Variants in PTP4A3 observed in about 807,000 individuals in gnomAD.
The protein encoded by PTP4A3 is protein tyrosine phosphatase type IVA 3.
Under a neutral mutation model 15.2 loss-of-function variants are expected in PTP4A3, and 9 were observed. The observed-to-expected ratio is 0.59, with a 90% CI of 0.36 to 1.03. The LOEUF (loss-of-function observed/expected upper bound fraction) is 1.03. Ranked by LOEUF, PTP4A3 falls within the 50% of genes least tolerant of loss-of-function variation. The pLI, the probability that PTP4A3 is intolerant of heterozygous loss-of-function variation, is 0.02. For missense variants in PTP4A3, 234 were observed against 252.1 expected, an observed-to-expected ratio of 0.93 and a Z score of 0.49; for synonymous variants, 95 against 102.0, an observed-to-expected ratio of 0.93 and a Z score of 0.41.
intron 1 of PTP4A3, among the ~76,000 whole-genome samples, chr8:141,414,890 G>C (rs1832979311): frequency 6.6e-6 from 1 of 152,026 alleles, no homozygotes; most frequent in Non-Finnish European, 1.5e-5. Context: ...CATCCTGATG[G>C]GGGAGGGGCA....
chr8:141,419,645 C>T (rs1833236342), intron 1 of PTP4A3, among the ~76,000 whole-genome samples: 1 of 151,416 alleles, frequency 6.6e-6, no homozygotes, highest in Non-Finnish European at 1.5e-5. Flanking sequence ...GATCTCGGCT[C>T]ACTGCAACCT....
intron 1 of PTP4A3, among the ~76,000 whole-genome samples, chr8:141,404,998 G>A (rs568343626): frequency 1.3e-5 from 2 of 152,298 alleles, no homozygotes; most frequent in South Asian, 4.1e-4. Flanking sequence ...CTCATCCCAC[G>A]GCATTAACTG....
chr8:141,404,215 C>T (rs951914641), intron 1 of PTP4A3, among the ~76,000 whole-genome samples: 3 of 152,176 alleles, frequency 2.0e-5, no homozygotes, highest in Admixed American at 6.5e-5. Context: ...TTTTTTTTCT[C>T]GTCAGCGTTA....
At chr8:141,399,577 A>G (rs1832534825) in intron 1 of PTP4A3, among the ~76,000 whole-genome samples, 1 of 152,178 alleles carries the variant, frequency 6.6e-6, no homozygotes. Context: ...TTGTGTCTGG[A>G]GAATGGGGAG....
At chr8:141,418,728 G>A (rs538897852) in intron 1 of PTP4A3, among the ~76,000 whole-genome samples, 1 of 152,322 alleles carries the variant, frequency 6.6e-6, no homozygotes, top group South Asian at 2.1e-4. Flanking sequence ...AGCGACTCAG[G>A]ACACATGGAG....
chr8:141,410,350 G>T (rs1219581799), intron 1 of PTP4A3, among the ~76,000 whole-genome samples: 1 of 152,236 alleles, frequency 6.6e-6, no homozygotes, highest in African/African-American at 2.4e-5. Flanking sequence ...TTCCAGAAAT[G>T]CCCTGCTGGC....
intron 1 of PTP4A3, among the ~76,000 whole-genome samples, chr8:141,417,450 C>T (rs979453544): frequency 2.6e-5 from 4 of 152,074 alleles, no homozygotes; most frequent in African/African-American, 9.7e-5. Flanking sequence ...GGGCGCCCTC[C>T]TCCTCAGGGT....
intron 4 of PTP4A3, 116 bp from the exon 5 acceptor site, chr8:141,427,630 TCAGG>T: frequency 1.2e-6 from 1 of 834,540 alleles, no homozygotes; most frequent in Non-Finnish European, 1.8e-6. Flanking sequence ...TGGGGGAGCT[TCAGG>T]CAGGGGGGAT....
intron 1 of PTP4A3, among the ~76,000 whole-genome samples, chr8:141,400,740 C>T (rs150671004): frequency 2.0e-5 from 3 of 152,314 alleles, no homozygotes; most frequent in East Asian, 1.9e-4. Context: ...TGTGTAGCTC[C>T]TGCCTCCCCA....
At chr8:141,399,187 C>G (rs1011096438) in intron 1 of PTP4A3, among the ~76,000 whole-genome samples, 1 of 152,230 alleles carries the variant, frequency 6.6e-6, no homozygotes, top group Non-Finnish European at 1.5e-5. Context: ...CGCCCTTGCC[C>G]CTAGAGCCGG....
At chr8:141,405,010 C>T (rs535779141) in intron 1 of PTP4A3, among the ~76,000 whole-genome samples, 2 of 152,342 alleles carry the variant, frequency 1.3e-5, no homozygotes, top group South Asian at 2.1e-4. Flanking sequence ...CATTAACTGA[C>T]ACCTGCTTTG....
At chr8:141,408,771 C>G (rs1365297044) in intron 1 of PTP4A3, among the ~76,000 whole-genome samples, 1 of 152,220 alleles carries the variant, frequency 6.6e-6, no homozygotes, top group African/African-American at 2.4e-5. Context: ...GCCCTGCCCC[C>G]GGGTTCCCAG....
At chr8:141,427,670 C>A in intron 4 of PTP4A3, 80 bp from the exon 5 acceptor site, 1 of 1,304,464 alleles carries the variant, frequency 7.7e-7, no homozygotes, top group Non-Finnish European at 1.1e-6. Flanking sequence ...CCCCCGTGCC[C>A]TGCATCTTCA....
rs1376337859 is a variant in PTP4A3, at chr8:141,431,236, C to G, written c.*192C>G. On this transcript the variant is annotated 3_prime_UTR_variant, in exon 6 of 6. Coordinates refer to ENST00000521578, the MANE Select transcript of PTP4A3 (RefSeq NM_032611.3). ...GAGGAGCCCCTCGGGCCCTGGGTGG[C>G]CTCTGGGCCCTTTCTCCTGTCTCCG... The G allele has an allele frequency of 1.7e-6, 1 of 597,818 alleles. No homozygotes were observed. Among genetic ancestry groups the G allele is most frequent in the African/African-American group, 1.9e-5 (1 of 53,770 alleles). 37.0% of individuals were successfully genotyped at this position (597,818 alleles called of 1,614,324 possible). A position where few individuals can be genotyped will look rare whatever the true frequency, so the allele number is the denominator to read the frequency against.
intron 1 of PTP4A3, among the ~76,000 whole-genome samples, chr8:141,415,493 G>A (rs1453672590): frequency 3.3e-5 from 5 of 150,462 alleles, no homozygotes; most frequent in Non-Finnish European, 7.4e-5. Flanking sequence ...CCGCAGCCCT[G>A]GGACCCTGCG....
intron 1 of PTP4A3, among the ~76,000 whole-genome samples, chr8:141,398,998 G>A (rs1440628056): frequency 2.6e-5 from 4 of 152,088 alleles, no homozygotes; most frequent in Non-Finnish European, 4.4e-5. Flanking sequence ...CCACGGGACC[G>A]GTGCTCCCGG....
chr8:141,393,176 G>C (rs1586528862), intron 1 of PTP4A3, among the ~76,000 whole-genome samples: 1 of 152,176 alleles, frequency 6.6e-6, no homozygotes, highest in Non-Finnish European at 1.5e-5. Context: ...CAAGAAGTTC[G>C]TTAACCCCAT....
At chr8:141,400,878 C>G (rs1178236118) in intron 1 of PTP4A3, among the ~76,000 whole-genome samples, 1 of 152,116 alleles carries the variant, frequency 6.6e-6, no homozygotes, top group Non-Finnish European at 1.5e-5. Flanking sequence ...AGTTCCCTCC[C>G]TGGAGCATGT....
chr8:141,427,198 A>G, intron 4 of PTP4A3, 129 bp downstream of exon 4: 1 of 1,332,192 alleles, frequency 7.5e-7, no homozygotes, highest in South Asian at 1.4e-5. Context: ...CCATGCCCCT[A>G]GTGCTGGGGC....
Sources: gnomAD v4.1 joint callset for allele counts (sites outside exome capture counted in the v4.1 genomes callset) on GRCh38, gnomAD v4.1.1 for gene constraint, MANE v1.5 for transcripts, NCBI Gene and HGNC (gene_info 2026-07-23, HGNC 2026-07-21) for gene names.